The following ITPR1 variants were observed in gnomAD, a reference collection of about 807,000 sequenced individuals.
ITPR1 encodes inositol 1,4,5-trisphosphate-gated calcium channel ITPR1.
Under a neutral mutation model 318.4 loss-of-function variants are expected in ITPR1, and 96 were observed. The observed-to-expected ratio is 0.30, with a 90% CI of 0.26 to 0.36. ITPR1 has a LOEUF of 0.36. Among genes scored for constraint, ITPR1 ranks in the 10% least tolerant of loss-of-function variants. The probability of loss-of-function intolerance (pLI) is 1.00; values close to 1 mark genes in which losing one functional copy is unlikely to be tolerated. For missense variants in ITPR1, 2,440 were observed against 3,460.2 expected (o/e 0.71, Z 7.40); for synonymous variants, 1,312 against 1,289.9 (o/e 1.02, Z -0.37).
chr3:4,537,144 CA>C lies in ITPR1; in HGVS notation c.163+16051del, dbSNP rs143786351. 9.7e-3 allele frequency among the ~76,000 whole-genome samples: 1,475 copies of C among 152,282 alleles called. 28 individuals are homozygous for C. The highest frequency in any genetic ancestry group is 0.034 in the African/African-American group (1,409 of 41,546). ...TCGGGTTTTGATATCAAGGTTATAC[CA>C]CACTGAAAATGAGTTGTGGAGTGTT... is the stretch of plus-strand genomic sequence containing the variant. On this transcript the variant is annotated intron_variant, in intron 4 of 61. Transcript: ENST00000649015.
chr3:4,748,049 G>A (rs926372474), intron 44 of ITPR1, among the ~76,000 whole-genome samples: 1 of 152,220 alleles, frequency 6.6e-6, no homozygotes, highest in Non-Finnish European at 1.5e-5. Context: ...TTTATAAAGT[G>A]CCCAGCACTG....
intron 44 of ITPR1, among the ~76,000 whole-genome samples, chr3:4,755,740 G>A (rs150025662): frequency 0.01 from 1,568 of 152,362 alleles, 14 homozygotes; most frequent in Non-Finnish European, 0.017. Flanking sequence ...CAGGCATAGC[G>A]AAGGGCGTCT....
intron 4 of ITPR1, among the ~76,000 whole-genome samples, chr3:4,562,643 A>G (rs1289376091): frequency 6.6e-6 from 1 of 152,084 alleles, no homozygotes; most frequent in Non-Finnish European, 1.5e-5. Flanking sequence ...TTATAATTGC[A>G]CCGGCTAGTG....
chr3:4,820,900 G>T (rs2049668461), intron 60 of ITPR1, among the ~76,000 whole-genome samples: 1 of 152,206 alleles, frequency 6.6e-6, no homozygotes, highest in South Asian at 2.1e-4. Context: ...TGGTGGGGGT[G>T]GGGGCTGGGG....
At chr3:4,733,789 A>C (rs1001116837) in intron 43 of ITPR1, among the ~76,000 whole-genome samples, 1 of 151,502 alleles carries the variant, frequency 6.6e-6, no homozygotes, top group Non-Finnish European at 1.5e-5. Flanking sequence ...GTGTACATCC[A>C]CAAACTCCTA....
At chr3:4,773,942 G>A (rs1191109812) in intron 46 of ITPR1, among the ~76,000 whole-genome samples, 2 of 152,224 alleles carry the variant, frequency 1.3e-5, no homozygotes, top group African/African-American at 2.4e-5. Context: ...TTGGTTACCA[G>A]CTCTTAACCT....
chr3:4,831,669 C>A (rs747443044), intron 60 of ITPR1, among the ~76,000 whole-genome samples: 1 of 152,196 alleles, frequency 6.6e-6, no homozygotes, highest in Non-Finnish European at 1.5e-5. Flanking sequence ...CACTGAGACA[C>A]GTTTTTGATC....
chr3:4,656,282 G>A (rs1349277608), intron 12 of ITPR1, among the ~76,000 whole-genome samples: 2 of 152,228 alleles, frequency 1.3e-5, no homozygotes, highest in African/African-American at 4.8e-5. Flanking sequence ...ACAGGTCTCT[G>A]AAACTTAACT....
chr3:4,598,390 T>C (rs1397823955), intron 4 of ITPR1, among the ~76,000 whole-genome samples: 1 of 152,024 alleles, frequency 6.6e-6, no homozygotes, highest in Non-Finnish European at 1.5e-5. Flanking sequence ...GAGAATGAAG[T>C]GGGTGAATCA....
chr3:4,721,107 GATAT>G (rs138660344), intron 40 of ITPR1, among the ~76,000 whole-genome samples: 2 of 140,990 alleles, frequency 1.4e-5, no homozygotes, highest in Non-Finnish European at 1.5e-5. Context: ...TCAGTGGAGG[GATAT>G]ATATATATAT....
chr3:4,779,591 G>C lies in ITPR1; in HGVS notation c.6333G>C (p.Arg2111Ser). The C allele has an allele frequency of 6.2e-7, 1 of 1,612,702 alleles. No homozygotes were observed. Among genetic ancestry groups the C allele is most frequent in the Non-Finnish European group, 8.5e-7 (1 of 1,179,046 alleles). Residue 2111 changes from arginine (R) to serine (S), a missense_variant, in exon 49 of 62, where the codon AGG (arginine) becomes AGC (serine). Around this residue, in one of 23 missense-constraint regions of ITPR1, gnomAD observed 49 missense variants for 47.2 expected, o/e 1.04. Coordinates refer to ENST00000649015, the MANE Select transcript of ITPR1 (RefSeq NM_001378452.1). The surrounding 1 kb of genome is among the most constrained non-coding windows in gnomAD (Gnocchi z 4.0). ...TGCTCCTGGCCATCATGGAAAGCAG[G>C]CACGACAGTGAAAACGCAGAGAGGA... The part of the protein sequence containing the change: ...SKLLLAIMES[R>S]HDSENAERIL...
intron 4 of ITPR1, among the ~76,000 whole-genome samples, chr3:4,606,631 G>C (rs184957557): frequency 6.6e-6 from 1 of 152,044 alleles, no homozygotes; most frequent in Non-Finnish European, 1.5e-5. Flanking sequence ...AGCAGGTAGC[G>C]GAATGTTAAT....
intron 4 of ITPR1, among the ~76,000 whole-genome samples, chr3:4,606,564 G>A (rs1274304941): frequency 6.6e-6 from 1 of 152,104 alleles, no homozygotes; most frequent in Non-Finnish European, 1.5e-5. Context: ...AAGGGCAAGA[G>A]TGTGCTGGAG....
chr3:4,640,834 T>A (rs1214229681), intron 6 of ITPR1, among the ~76,000 whole-genome samples: 1 of 152,214 alleles, frequency 6.6e-6, no homozygotes, highest in African/African-American at 2.4e-5. Context: ...TCTTGGGGCC[T>A]ACCTGTAGGT....
intron 4 of ITPR1, among the ~76,000 whole-genome samples, chr3:4,560,191 T>C (rs765162572): frequency 2.6e-5 from 4 of 152,190 alleles, no homozygotes; most frequent in Admixed American, 6.5e-5. Flanking sequence ...GCATTTGGCA[T>C]ATATATGGAT....
At chr3:4,837,055 C>A in intron 61 of ITPR1, 120 bp downstream of exon 61, 1 of 887,298 alleles carries the variant, frequency 1.1e-6, no homozygotes, top group Non-Finnish European at 1.6e-6. Flanking sequence ...AAAAGGGAGC[C>A]AGGCAACAGG....
chr3:4,663,192 A>G lies in ITPR1; in HGVS notation c.1540A>G (p.Asn514Asp). 2 of 1,612,734 alleles carry G rather than the reference A, an allele frequency of 1.2e-6. No individual in the cohort carries two copies. The highest frequency in any genetic ancestry group is 1.7e-6 in the Non-Finnish European group (2 of 1,179,168). Residue 514 changes from asparagine (N) to aspartate (D), a missense_variant, in exon 16 of 62, where the codon AAT (asparagine) becomes GAT (aspartate). Coordinates refer to ENST00000649015, the MANE Select transcript of ITPR1 (RefSeq NM_001378452.1). Reference sequence around the variant, plus strand: ...ACGGCAGAAACTGATGAGAGAACAGAATATTCTCAAGCAGGTCGGTGAGAT... The same window carrying G: ...ACGGCAGAAACTGATGAGAGAACAGGATATTCTCAAGCAGGTCGGTGAGAT... ...RERQKLMREQNILKQIFKLLQ... is the reference protein window; with the variant it reads ...RERQKLMREQDILKQIFKLLQ...
rs113843148 is a variant in ITPR1 at position 4,550,376 on chromosome 3, C to T, written c.163+29282C>T. Among the ~76,000 whole-genome samples the T allele has an allele frequency of 8.6e-3, 1,307 of 152,292 alleles. 18 individuals are homozygous for T. The highest frequency in any genetic ancestry group is 0.024 in the African/African-American group (987 of 41,564). ...TTGGTGACCGTCCAACCCACAGACG[C>T]GCTGCCATCTACCTAACGGGGTCGT... On this transcript the variant is annotated intron_variant, in intron 4 of 61. Coordinates refer to ENST00000649015, the MANE Select transcript of ITPR1 (RefSeq NM_001378452.1).
chr3:4,620,716 TAA>T (rs980824734), intron 4 of ITPR1, among the ~76,000 whole-genome samples: 1 of 144,796 alleles, frequency 6.9e-6, no homozygotes, highest in Non-Finnish European at 1.5e-5. Flanking sequence ...TAGTGAACAG[TAA>T]AGAGAGTAGA....
Sources: allele counts gnomAD v4.1 joint callset (sites outside exome capture counted in the v4.1 genomes callset), GRCh38; gene constraint gnomAD v4.1.1; regional missense constraint gnomAD v4.1.1; non-coding constraint Gnocchi (gnomAD v3.1); transcripts MANE v1.5; gene names NCBI Gene and HGNC (gene_info 2026-07-23, HGNC 2026-07-21).